Variants in EPHA5 observed in about 807,000 individuals in gnomAD.
The protein encoded by EPHA5 is EPH receptor A5.
Under a neutral mutation model 105.0 loss-of-function variants are expected in EPHA5, and 60 were observed. That is an observed-to-expected ratio of 0.57 (90% confidence interval 0.46 to 0.71). The LOEUF (loss-of-function observed/expected upper bound fraction) is 0.71, where lower values mean the gene tolerates loss of function less well. Among genes scored for constraint, EPHA5 ranks in the 30% least tolerant of loss-of-function variants. The probability of loss-of-function intolerance (pLI) is 0.00; values close to 1 mark genes in which losing one functional copy is unlikely to be tolerated. For synonymous variants in EPHA5, 513 were observed against 449.1 expected, an observed-to-expected ratio of 1.14 and a Z score of -1.80; for missense variants, 1,218 against 1,274.7, an observed-to-expected ratio of 0.96 and a Z score of 0.68.
chr4:65,495,304 T>C (rs1731812156), intron 4 of EPHA5, 84 bp downstream of exon 4: 1 of 1,370,464 alleles, frequency 7.3e-7, no homozygotes, highest in African/African-American at 1.5e-5. Context: ...GGGGAAATGT[T>C]ACTAGACTAT....
At chr4:65,630,742 G>A (rs989329310) in intron 2 of EPHA5, among the ~76,000 whole-genome samples, 6 of 152,058 alleles carry the variant, frequency 3.9e-5, no homozygotes, top group African/African-American at 1.2e-4. Flanking sequence ...GTACAGATTC[G>A]CCGCTGGTAA....
chr4:65,598,008 AG>A (rs1408267451), intron 3 of EPHA5, among the ~76,000 whole-genome samples: 2 of 152,234 alleles, frequency 1.3e-5, no homozygotes, highest in African/African-American at 4.8e-5. Flanking sequence ...GTCACCTGCC[AG>A]CACAGACTAA....
intron 3 of EPHA5, chr4:65,573,629 T>C: frequency 6.2e-7 from 1 of 1,600,622 alleles, no homozygotes; most frequent in Admixed American, 1.7e-5. Context: ...TTGGCAGGTA[T>C]TCCCGATCTG....
chr4:65,474,561 C>T (rs560655340), intron 5 of EPHA5, among the ~76,000 whole-genome samples: 3 of 152,046 alleles, frequency 2.0e-5, no homozygotes, highest in Admixed American at 6.6e-5. Context: ...GAGGAAAATT[C>T]GAAAATGTAA....
At chr4:65,544,164 A>G (rs1737139839) in intron 3 of EPHA5, among the ~76,000 whole-genome samples, 1 of 152,010 alleles carries the variant, frequency 6.6e-6, no homozygotes, top group East Asian at 1.9e-4. Context: ...ACATAGGCAT[A>G]GGCAAAAACT....
intron 3 of EPHA5, among the ~76,000 whole-genome samples, chr4:65,584,040 G>A (rs1022234601): frequency 5.3e-5 from 8 of 151,416 alleles, no homozygotes; most frequent in Non-Finnish European, 1.0e-4. Flanking sequence ...TTTGAAAAAA[G>A]TCAGCTAAAA....
At chr4:65,495,345 C>A (rs377689730) in intron 4 of EPHA5, 43 bp downstream of exon 4, 2 of 1,585,282 alleles carry the variant, frequency 1.3e-6, no homozygotes, top group Admixed American at 1.8e-5. Flanking sequence ...TTCCTCAAAA[C>A]TGGTTAAAGT....
At position 65,495,467 on chromosome 4, in the gene EPHA5, A is replaced by G. The variant is rs1731833729; in HGVS notation, c.987T>C (p.His329=). The part of the protein sequence containing the change: ...CGKCPPHSYT[H]EEASTSCVCE... Reference sequence around the variant, plus strand: ...AGACACAAGAGGTTGAAGCTTCCTCATGGGTATAACTGTGAGGTGGACATT... The same window carrying G: ...AGACACAAGAGGTTGAAGCTTCCTCGTGGGTATAACTGTGAGGTGGACATT... The change falls in exon 4 of 17, where the codon CAT becomes CAC. Residue 329 remains histidine (H), a synonymous_variant. Transcript: ENST00000613740. 1.9e-6 allele frequency: 3 copies of G among 1,613,892 alleles called. No individual in the cohort carries two copies. The highest frequency in any genetic ancestry group is 2.5e-6 in the Non-Finnish European group (3 of 1,179,850).
chr4:65,420,698 C>T, intron 5 of EPHA5, 133 bp from the exon 6 acceptor site: 8 of 725,694 alleles, frequency 1.1e-5, no homozygotes, highest in Non-Finnish European at 1.7e-5. Context: ...TTTAGTTTTT[C>T]TATATAAGGT....
intron 2 of EPHA5, among the ~76,000 whole-genome samples, chr4:65,635,291 A>T (rs1427363846): frequency 2.0e-5 from 3 of 152,144 alleles, no homozygotes; most frequent in African/African-American, 7.2e-5. Flanking sequence ...CCATTTTAGT[A>T]CAAATACCAC....
intron 5 of EPHA5, among the ~76,000 whole-genome samples, chr4:65,476,172 A>T (rs985977078): frequency 6.6e-6 from 1 of 150,448 alleles, no homozygotes; most frequent in Non-Finnish European, 1.5e-5. Context: ...AAATATGCAG[A>T]TTATTGGCCC....
intron 3 of EPHA5, among the ~76,000 whole-genome samples, chr4:65,526,626 A>G (rs1735257487): frequency 6.6e-6 from 1 of 152,006 alleles, no homozygotes; most frequent in South Asian, 2.1e-4. Context: ...TGTTTGTTAT[A>G]GTAAGTATCT....
At chr4:65,528,067 G>A (rs545795369) in intron 3 of EPHA5, among the ~76,000 whole-genome samples, 16 of 152,150 alleles carry the variant, frequency 1.1e-4, no homozygotes, top group African/African-American at 3.9e-4. Flanking sequence ...TTAAAGTATG[G>A]TCAGCTTGAA....
intron 3 of EPHA5, among the ~76,000 whole-genome samples, chr4:65,547,167 A>G (rs1188917568): frequency 1.3e-5 from 2 of 152,056 alleles, no homozygotes; most frequent in Non-Finnish European, 2.9e-5. Context: ...CGTCACAAAC[A>G]CAGAGTAAAC....
At chr4:65,417,855 C>T (rs1166607162) in intron 6 of EPHA5, among the ~76,000 whole-genome samples, 2 of 151,932 alleles carry the variant, frequency 1.3e-5, no homozygotes, top group Non-Finnish European at 2.9e-5. Flanking sequence ...AAGATAAATT[C>T]TTCTTAATAT....
intron 3 of EPHA5, among the ~76,000 whole-genome samples, chr4:65,590,363 TAA>T (rs1560741685): frequency 6.6e-6 from 1 of 152,046 alleles, no homozygotes. Context: ...TACTTAAAGA[TAA>T]GATGTGATCC....
chr4:65,413,434 T>C (rs1442132249), intron 7 of EPHA5, among the ~76,000 whole-genome samples: 1 of 152,142 alleles, frequency 6.6e-6, no homozygotes, highest in African/African-American at 2.4e-5. Context: ...TTATTCACAT[T>C]TTAATTTAAT....
At chr4:65,645,571 T>C (rs1748043506) in intron 1 of EPHA5, among the ~76,000 whole-genome samples, 1 of 151,944 alleles carries the variant, frequency 6.6e-6, no homozygotes, top group African/African-American at 2.4e-5. Context: ...AAGATTCAGT[T>C]AACTGCACTT....
At chr4:65,369,961 C>T (rs1263255264) in intron 8 of EPHA5, among the ~76,000 whole-genome samples, 2 of 152,074 alleles carry the variant, frequency 1.3e-5, no homozygotes, top group Non-Finnish European at 2.9e-5. Context: ...AGCTAGACTC[C>T]ATCTCAACAA....
Sources: allele counts gnomAD v4.1 joint callset (sites outside exome capture counted in the v4.1 genomes callset), GRCh38; gene constraint gnomAD v4.1.1; transcripts MANE v1.5; gene names NCBI Gene and HGNC (gene_info 2026-07-23, HGNC 2026-07-21).